Variants in MSRA observed in about 807,000 individuals in gnomAD.
MSRA encodes mitochondrial peptide methionine sulfoxide reductase.
In MSRA, 54 loss-of-function variants were observed where a neutral mutation model predicts 31.3. That is an observed-to-expected ratio of 1.73 (90% confidence interval 1.39 to 2.17). The LOEUF is 2.17. MSRA is among the 30% of genes most tolerant of loss of function. The pLI is 0.00. For missense variants in MSRA, 507 were observed against 300.9 expected, an observed-to-expected ratio of 1.69 and a Z score of -5.07; for synonymous variants, 169 against 116.5, an observed-to-expected ratio of 1.45 and a Z score of -2.90.
intron 1 of MSRA, among the ~76,000 whole-genome samples, chr8:10,110,145 A>G (rs1056692606): frequency 2.0e-5 from 3 of 152,182 alleles, no homozygotes; most frequent in Admixed American, 2.0e-4. Flanking sequence ...CACAAGGCCC[A>G]CATCTGGATT....
intron 4 of MSRA, among the ~76,000 whole-genome samples, chr8:10,312,178 AGAAAT>A (rs1801468411): frequency 6.6e-6 from 1 of 152,298 alleles, no homozygotes; most frequent in East Asian, 1.9e-4. Flanking sequence ...AAGGGCAGAA[AGAAAT>A]GAAATGGGAA....
At chr8:10,173,864 G>C (rs1805811701) in intron 1 of MSRA, among the ~76,000 whole-genome samples, 1 of 152,162 alleles carries the variant, frequency 6.6e-6, no homozygotes, top group South Asian at 2.1e-4. Flanking sequence ...GCATTTGTCT[G>C]CTGCATAAAG....
At chr8:10,406,884 A>T (rs1807851284) in intron 5 of MSRA, among the ~76,000 whole-genome samples, 1 of 151,894 alleles carries the variant, frequency 6.6e-6, no homozygotes, top group Non-Finnish European at 1.5e-5. Flanking sequence ...AACAGGCCTC[A>T]CTCTCTCAAC....
chr8:10,394,199 C>T (rs540015909), intron 5 of MSRA, among the ~76,000 whole-genome samples: 3 of 152,306 alleles, frequency 2.0e-5, no homozygotes, highest in Admixed American at 6.5e-5. Context: ...CAAAAGGGGC[C>T]ATTCAATGTT....
intron 1 of MSRA, among the ~76,000 whole-genome samples, chr8:10,056,046 T>C (rs1174090849): frequency 6.6e-6 from 1 of 152,024 alleles, no homozygotes; most frequent in Non-Finnish European, 1.5e-5. Context: ...CTAAAACTTA[T>C]AAATGCATCT....
chr8:10,121,637 C>T (rs1232320911), intron 1 of MSRA, among the ~76,000 whole-genome samples: 1 of 151,964 alleles, frequency 6.6e-6, no homozygotes, highest in Non-Finnish European at 1.5e-5. Flanking sequence ...AGAGAGGCAC[C>T]TGCTATGTTT....
At chr8:10,252,863 C>G (rs1797989020) in intron 3 of MSRA, among the ~76,000 whole-genome samples, 1 of 152,222 alleles carries the variant, frequency 6.6e-6, no homozygotes, top group African/African-American at 2.4e-5. Context: ...ATAGGTCCTT[C>G]ATCCACCGGT....
Position 10,195,926 on chromosome 8 carries a change from A to C in MSRA, c.143-11907A>C, listed in dbSNP as rs77630519. Among the ~76,000 whole-genome samples the C allele has an allele frequency of 2.6e-5, 4 of 152,352 alleles. No individual in the cohort carries two copies. In the East Asian group the frequency reaches 7.7e-4, roughly 29 times the overall value. On this transcript the variant is annotated intron_variant, in intron 1 of 5. Transcript: ENST00000317173. ...TACCCTGCAGCAGGCCTGCTTTGTAAAGCTGACAGCAGTGTTCAAGGGTGA... is the reference window on the plus strand; with the variant it reads ...TACCCTGCAGCAGGCCTGCTTTGTACAGCTGACAGCAGTGTTCAAGGGTGA...
intron 3 of MSRA, among the ~76,000 whole-genome samples, chr8:10,282,558 C>T (rs1232550967): frequency 2.0e-5 from 3 of 152,144 alleles, no homozygotes; most frequent in South Asian, 2.1e-4. Flanking sequence ...CTGTAGCCTC[C>T]GGTGACAGAG....
At chr8:10,160,049 A>T (rs1323505412) in intron 1 of MSRA, among the ~76,000 whole-genome samples, 2 of 152,258 alleles carry the variant, frequency 1.3e-5, no homozygotes, top group Admixed American at 6.5e-5. Context: ...TGTTGAGATC[A>T]AGTGCTTTTC....
At chr8:10,361,702 G>A (rs1310091507) in intron 5 of MSRA, among the ~76,000 whole-genome samples, 1 of 152,090 alleles carries the variant, frequency 6.6e-6, no homozygotes, top group Non-Finnish European at 1.5e-5. Flanking sequence ...AACACAGAAA[G>A]CACTTCTAAT....
intron 1 of MSRA, among the ~76,000 whole-genome samples, chr8:10,156,396 A>T (rs890726254): frequency 1.1e-4 from 16 of 152,114 alleles, no homozygotes; most frequent in Non-Finnish European, 2.1e-4. Flanking sequence ...ACAAGGTCTT[A>T]AGTCCAGTTT....
rs1803079627 is a variant in MSRA at position 10,336,873 on chromosome 8, G to A, written c.543+16884G>A. ...ACGTTTGCTGCAAACACAGTCTGGG[G>A]CAAAATGGGAATTAACATTTTTACA... is the stretch of plus-strand genomic sequence containing the variant. On this transcript the variant is annotated intron_variant, in intron 5 of 5. Coordinates refer to ENST00000317173, the MANE Select transcript of MSRA (RefSeq NM_012331.5). 1.3e-5 allele frequency: 2 copies of A among 152,160 alleles called. 1 individual carries two copies. The highest frequency in any genetic ancestry group is 4.1e-4 in the South Asian group (2 of 4,824). 9.4% of individuals were successfully genotyped at this position (152,160 alleles called of 1,614,324 possible).
intron 3 of MSRA, among the ~76,000 whole-genome samples, chr8:10,299,217 A>G (rs1228977450): frequency 3.3e-5 from 5 of 152,258 alleles, no homozygotes; most frequent in African/African-American, 1.2e-4. Flanking sequence ...TAAATTGAGA[A>G]GAAATAGCCT....
chr8:10,403,386 C>A (rs530804091), intron 5 of MSRA, among the ~76,000 whole-genome samples: 1 of 152,172 alleles, frequency 6.6e-6, no homozygotes. Flanking sequence ...TCCACATGCT[C>A]ATGCCATACT....
chr8:10,156,387 C>G (rs1255640357), intron 1 of MSRA, among the ~76,000 whole-genome samples: 2 of 151,976 alleles, frequency 1.3e-5, no homozygotes, highest in African/African-American at 4.8e-5. Context: ...TGAAATTTCA[C>G]AAGGTCTTAA....
chr8:10,319,802 A>G, intron 4 of MSRA, 81 bp from the exon 5 acceptor site: 2 of 728,246 alleles, frequency 2.7e-6, no homozygotes, highest in Non-Finnish European at 4.1e-6. Flanking sequence ...AAGTGTCAAA[A>G]TGTCTCAGCA....
At chr8:10,132,410 C>T (rs907071538) in intron 1 of MSRA, among the ~76,000 whole-genome samples, 1 of 152,182 alleles carries the variant, frequency 6.6e-6, no homozygotes, top group Non-Finnish European at 1.5e-5. Context: ...GGATCTTAGG[C>T]AGTTTGGCTG....
chr8:10,145,410 G>C (rs1280523292), intron 1 of MSRA, among the ~76,000 whole-genome samples: 1 of 152,174 alleles, frequency 6.6e-6, no homozygotes, highest in African/African-American at 2.4e-5. Context: ...CCATGTTAAG[G>C]CAGCATCTCG....
Sources: gnomAD v4.1 joint callset for allele counts (sites outside exome capture counted in the v4.1 genomes callset) on GRCh38, gnomAD v4.1.1 for gene constraint, MANE v1.5 for transcripts, NCBI Gene and HGNC (gene_info 2026-07-23, HGNC 2026-07-21) for gene names.